Variants in CSMD1 observed in about 807,000 individuals in gnomAD.
The protein encoded by CSMD1 is CUB and Sushi multiple domains 1.
Under a neutral mutation model 417.5 loss-of-function variants are expected in CSMD1, and 213 were observed. The observed-to-expected ratio is 0.51, with a 90% CI of 0.46 to 0.57. CSMD1 has a LOEUF of 0.57. Among genes scored for constraint, CSMD1 ranks in the 20% least tolerant of loss-of-function variants. CSMD1 has a pLI of 0.00. For synonymous variants in CSMD1, 2,862 were observed against 1,736.8 expected (o/e 1.65, Z -16.11); for missense variants, 6,923 against 4,529.7 (o/e 1.53, Z -15.17).
intron 3 of CSMD1, among the ~76,000 whole-genome samples, chr8:4,062,208 G>C (rs1799010538): frequency 6.6e-6 from 1 of 152,078 alleles, no homozygotes; most frequent in Non-Finnish European, 1.5e-5. Flanking sequence ...GGCATTCCAA[G>C]CTACGGGCCA....
chr8:4,353,563 C>A lies in CSMD1; in HGVS notation c.415+66390G>T, dbSNP rs184323073. On this transcript the variant is annotated intron_variant, in intron 3 of 69. Transcript: ENST00000635120. ...CTTTCCTAGGAAATATACTAGATCACGAATAAAGCCCAAAGTAGCATATCC... is the reference window on the plus strand; with the variant it reads ...CTTTCCTAGGAAATATACTAGATCAAGAATAAAGCCCAAAGTAGCATATCC... 2.6e-4 allele frequency among the ~76,000 whole-genome samples: 39 copies of A among 151,942 alleles called. No individual in the cohort carries two copies. In the East Asian group the frequency reaches 7.2e-3, roughly 28 times the overall value.
intron 3 of CSMD1, among the ~76,000 whole-genome samples, chr8:4,082,276 G>A (rs2554641): frequency 0.012 from 1,856 of 152,114 alleles, 37 homozygotes; most frequent in African/African-American, 0.041. Context: ...ACTAACACAA[G>A]GTAGAATATC....
chr8:4,221,008 G>GC (rs1800998717), intron 3 of CSMD1, among the ~76,000 whole-genome samples: 1 of 152,168 alleles, frequency 6.6e-6, no homozygotes, highest in Non-Finnish European at 1.5e-5. Context: ...CATGCCATGT[G>GC]CCCGCAGGAG....
chr8:4,174,147 A>G (rs1797913595), intron 3 of CSMD1, among the ~76,000 whole-genome samples: 1 of 152,138 alleles, frequency 6.6e-6, no homozygotes, highest in Non-Finnish European at 1.5e-5. Context: ...CACCCACCAA[A>G]GGCTCGTGGC....
In CSMD1 at chr8:3,484,297, G is replaced by C. The variant is rs138572178; in HGVS notation, c.1448+9326C>G. ...AGACCCACACAAATACATCTAACTA[G>C]TTTTTGATGAAGGCAGAAAAGCAGT... On this transcript the variant is annotated intron_variant, in intron 11 of 69. Coordinates refer to ENST00000635120, the MANE Select transcript of CSMD1 (RefSeq NM_033225.6). 3.3e-3 allele frequency among the ~76,000 whole-genome samples: 504 copies of C among 152,282 alleles called. 7 individuals are homozygous for C. The highest frequency in any genetic ancestry group is 0.011 in the African/African-American group (448 of 41,554).
At chr8:4,196,031 G>A (rs1172910574) in intron 3 of CSMD1, among the ~76,000 whole-genome samples, 1 of 152,010 alleles carries the variant, frequency 6.6e-6, no homozygotes, top group Non-Finnish European at 1.5e-5. Context: ...CTAACACAGT[G>A]AAACCTCGTC....
intron 3 of CSMD1, among the ~76,000 whole-genome samples, chr8:4,089,269 G>T (rs192700696): frequency 6.6e-6 from 1 of 152,130 alleles, no homozygotes; most frequent in Non-Finnish European, 1.5e-5. Context: ...TTTTCTCCAG[G>T]AATTAGTGGG....
At chr8:3,412,936 G>A (rs1024912115) in intron 12 of CSMD1, among the ~76,000 whole-genome samples, 4 of 152,164 alleles carry the variant, frequency 2.6e-5, no homozygotes, top group East Asian at 1.9e-4. Flanking sequence ...AAGCTGGGCT[G>A]GGCGCCCAGG....
intron 5 of CSMD1, among the ~76,000 whole-genome samples, chr8:3,834,922 C>A (rs1233342130): frequency 6.6e-6 from 1 of 152,028 alleles, no homozygotes; most frequent in African/African-American, 2.4e-5. Flanking sequence ...TGAACAGACA[C>A]TTCTCAAAAG....
intron 26 of CSMD1, among the ~76,000 whole-genome samples, chr8:3,242,103 G>A (rs1470520733): frequency 6.7e-6 from 1 of 148,884 alleles, no homozygotes; most frequent in East Asian, 2.0e-4. Context: ...AAAGAAAAAG[G>A]AGCATTAACC....
chr8:3,755,633 C>G (rs1006234221), intron 5 of CSMD1, among the ~76,000 whole-genome samples: 3 of 152,060 alleles, frequency 2.0e-5, no homozygotes, highest in African/African-American at 7.2e-5. Flanking sequence ...CATTTCCCTA[C>G]TTATTCTATT....
chr8:3,834,578 C>G (rs1203612938), intron 5 of CSMD1, among the ~76,000 whole-genome samples: 2 of 152,170 alleles, frequency 1.3e-5, no homozygotes, highest in Non-Finnish European at 2.9e-5. Context: ...GGCTGTATTA[C>G]AAATATATAA....
At chr8:3,132,039 G>C in intron 41 of CSMD1, among the ~76,000 whole-genome samples, 1 of 152,146 alleles carries the variant, frequency 6.6e-6, no homozygotes, top group East Asian at 1.9e-4. Context: ...ACCTTTGGTA[G>C]CCATAATGCC....
At chr8:3,567,202 G>C (rs913389464) in intron 10 of CSMD1, among the ~76,000 whole-genome samples, 1 of 152,070 alleles carries the variant, frequency 6.6e-6, no homozygotes, top group Admixed American at 6.5e-5. Flanking sequence ...CTCACTTCTA[G>C]GTGGGCACCA....
At chr8:4,129,766 T>C (rs1162342847) in intron 3 of CSMD1, among the ~76,000 whole-genome samples, 1 of 152,134 alleles carries the variant, frequency 6.6e-6, no homozygotes, top group Non-Finnish European at 1.5e-5. Flanking sequence ...CCTGGAAAAT[T>C]TCTTCAACAA....
At chr8:4,528,412 A>G (rs1014728030) in intron 2 of CSMD1, among the ~76,000 whole-genome samples, 2 of 152,182 alleles carry the variant, frequency 1.3e-5, no homozygotes, top group Admixed American at 6.5e-5. Flanking sequence ...AATATGCAAA[A>G]CACATGTGGA....
At chr8:4,455,012 C>G (rs1799382390) in intron 2 of CSMD1, among the ~76,000 whole-genome samples, 1 of 151,922 alleles carries the variant, frequency 6.6e-6, no homozygotes, top group Admixed American at 6.5e-5. Flanking sequence ...GTGTTGCTAT[C>G]CCAGTGTGTC....
At chr8:3,065,816 C>G (rs1403587510) in intron 49 of CSMD1, among the ~76,000 whole-genome samples, 1 of 152,076 alleles carries the variant, frequency 6.6e-6, no homozygotes, top group East Asian at 1.9e-4. Flanking sequence ...ATTAACAAAG[C>G]TGAGAAACTA....
rs1400922590 is a variant in CSMD1 at position 3,091,592 on chromosome 8, G to A, written c.7209C>T (p.Ser2403=). 6.2e-7 allele frequency: 1 copy of A among 1,611,148 alleles called. No individual in the cohort carries two copies. Among genetic ancestry groups the A allele is most frequent in the African/African-American group, 1.3e-5 (1 of 74,950 alleles). ...GNHTEQSNFT[S]RSNQLYLRWS... is the part of the protein sequence containing the mutation. ...AGCGGAGATATAACTGATTACTCCTGCTTGTAAAATTTGATTGTTCAGTAT... is the reference window on the plus strand; with the variant it reads ...AGCGGAGATATAACTGATTACTCCTACTTGTAAAATTTGATTGTTCAGTAT... The change falls in exon 48 of 70, where the codon AGC becomes AGT. Residue 2403 remains serine, a synonymous_variant. Coordinates refer to ENST00000635120, the MANE Select transcript of CSMD1 (RefSeq NM_033225.6).
Sources: allele counts gnomAD v4.1 joint callset (sites outside exome capture counted in the v4.1 genomes callset), GRCh38; gene constraint gnomAD v4.1.1; transcripts MANE v1.5; gene names NCBI Gene and HGNC (gene_info 2026-07-23, HGNC 2026-07-21).